The following HCN2 variants were observed in gnomAD, a reference collection of about 807,000 sequenced individuals.
HCN2 encodes potassium/sodium hyperpolarization-activated cyclic nucleotide-gated channel 2.
A neutral mutation model predicts 52.3 loss-of-function variants in HCN2; 20 were observed. The observed-to-expected ratio is 0.38, with a 90% CI of 0.27 to 0.56. The LOEUF (loss-of-function observed/expected upper bound fraction) is 0.56, where lower values mean the gene tolerates loss of function less well. Among genes scored for constraint, HCN2 ranks in the 20% least tolerant of loss-of-function variants. The pLI is 0.71. For missense variants in HCN2, 981 were observed against 1,207.7 expected, an observed-to-expected ratio of 0.81 and a Z score of 2.78; for synonymous variants, 694 against 537.0, an observed-to-expected ratio of 1.29 and a Z score of -4.04.
In HCN2 at chr19:610,416, C is replaced by T. The variant is rs373569815; in HGVS notation, c.1584+11C>T. The T allele has an allele frequency of 8.4e-5, 136 of 1,610,622 alleles. 1 individual carries two copies. The Middle Eastern group carries it at 1.2e-3, about 14-fold the overall frequency. On this transcript the variant is annotated intron_variant, in intron 5 of 7. Coordinates refer to ENST00000251287, the MANE Select transcript of HCN2 (RefSeq NM_001194.4). ...GGGCCCCTGCGGGAGGTGAGGCGGG[C>T]GCCGGGCGGGCGGGAGGCAGCCTCC...
chr19:609,021 T>C (rs1367861547), intron 4 of HCN2, among the ~76,000 whole-genome samples: 1 of 152,192 alleles, frequency 6.6e-6, no homozygotes, highest in Non-Finnish European at 1.5e-5. Context: ...TTTCCCCATG[T>C]TAGGCGGCTG....
At chr19:595,469 C>T (rs1241434874) in intron 1 of HCN2, among the ~76,000 whole-genome samples, 1 of 152,068 alleles carries the variant, frequency 6.6e-6, no homozygotes, top group Non-Finnish European at 1.5e-5. Context: ...GTCCCCTGGT[C>T]CCGAGGCCGC....
At chr19:615,633 G>C (rs1352325387) in intron 7 of HCN2, among the ~76,000 whole-genome samples, 162 bp from the exon 8 acceptor site, 1 of 152,244 alleles carries the variant, frequency 6.6e-6, no homozygotes, top group Non-Finnish European at 1.5e-5. Flanking sequence ...CTATAGGCCA[G>C]AGATGCTACA....
chr19:610,408 G>A lies in HCN2; in HGVS notation c.1584+3G>A, dbSNP rs1983576835. ...AGCTCAACGGGCCCCTGCGGGAGGT[G>A]AGGCGGGCGCCGGGCGGGCGGGAGG... On this transcript the variant is annotated splice_donor_region_variant and intron_variant, in intron 5 of 7. Coordinates refer to ENST00000251287, the MANE Select transcript of HCN2 (RefSeq NM_001194.4). 1.9e-6 allele frequency: 3 copies of A among 1,612,346 alleles called. No individual in the cohort carries two copies. Among genetic ancestry groups the A allele is most frequent in the African/African-American group, 1.3e-5 (1 of 74,898 alleles).
intron 4 of HCN2, among the ~76,000 whole-genome samples, chr19:609,756 C>T (rs1221801336): frequency 1.3e-5 from 2 of 152,134 alleles, no homozygotes; most frequent in East Asian, 1.9e-4. Context: ...AAAGAATCAG[C>T]CAGGCGTGGT....
In HCN2 at chr19:617,084, C is replaced by CT. The variant is rs1983999884; in HGVS notation, c.*610_*611insT. On this transcript the variant is annotated 3_prime_UTR_variant, in exon 8 of 8. Coordinates refer to ENST00000251287, the MANE Select transcript of HCN2 (RefSeq NM_001194.4). The stretch of plus-strand genomic sequence containing the variant: ...GTACTGACGAGCCGAGGCAGCAGTG[C>CT]CCCCACCGTGGCCCCCCACGCCCCA... 5.0e-6 allele frequency: 3 copies of CT among 597,270 alleles called. No individual in the cohort carries two copies. The highest frequency in any genetic ancestry group is 8.9e-6 in the Non-Finnish European group (3 of 336,516). 37.0% of individuals were successfully genotyped at this position (597,270 alleles called of 1,614,324 possible).
At position 592,005 on chromosome 19, in the gene HCN2, C is replaced by A. The variant is rs1211134567; in HGVS notation, c.632+1428C>A. On this transcript the variant is annotated intron_variant, in intron 1 of 7. Coordinates refer to ENST00000251287, the MANE Select transcript of HCN2 (RefSeq NM_001194.4). The surrounding 1 kb of genome is among the most constrained non-coding windows in gnomAD (Gnocchi z 4.8). ...CAGGGGTGGGAGGAGCCCCGAAATC[C>A]CCAGAGGGGCTGTGTCCGGCCCCTC... 6.6e-6 allele frequency among the ~76,000 whole-genome samples: 1 copy of A among 152,212 alleles called. No homozygotes were observed. The highest frequency in any genetic ancestry group is 1.5e-5 in the Non-Finnish European group (1 of 68,020).
chr19:615,610 C>T (rs1448763245), intron 7 of HCN2, among the ~76,000 whole-genome samples, 185 bp from the exon 8 acceptor site: 3 of 152,218 alleles, frequency 2.0e-5, no homozygotes, highest in Non-Finnish European at 2.9e-5. Context: ...ATGGCAGGTA[C>T]TCAATATCCA....
intron 4 of HCN2, among the ~76,000 whole-genome samples, chr19:609,065 T>C (rs1345978185): frequency 6.6e-6 from 1 of 152,106 alleles, no homozygotes; most frequent in African/African-American, 2.4e-5. Context: ...TGCCCCCCTC[T>C]CCCGCGCCCC....
Position 612,427 on chromosome 19 carries a change from T to TGTGTGTGTGAGAGA in HCN2, c.1585-820_1585-819insTGTGTGTGAGAGAG. On this transcript the variant is annotated intron_variant, in intron 5 of 7. Transcript: ENST00000251287. ...GTGTGTGTGTGTGTGTGTGTGTGTG[T>TGTGTGTGTGAGAGA]GAGAGAGAGATGGAGTCTCGCTCTG... Among the ~76,000 whole-genome samples the TGTGTGTGTGAGAGA allele has an allele frequency of 5.8e-3, 822 of 142,312 alleles. 9 individuals are homozygous for TGTGTGTGTGAGAGA. Among genetic ancestry groups the TGTGTGTGTGAGAGA allele is most frequent in the Admixed American group, 5.9e-3 (84 of 14,238 alleles). 93.4% of individuals were successfully genotyped at this position (142,312 alleles called of 152,430 possible).
Position 616,399 on chromosome 19 carries a change from C to T in HCN2, c.2595C>T (p.Asp865=), listed in dbSNP as rs764125612. Residue 865 remains aspartate, a synonymous_variant, in exon 8 of 8, where the codon GAC becomes GAT. Transcript: ENST00000251287. The stretch of plus-strand genomic sequence containing the variant: ...CCGCGCCCAGCCCGGACCGCAGGGA[C>T]TCGGCCTCACCCGGCGCCGCCGGCG... ...RAAAPSPDRR[D]SASPGAAGGL... 8.1e-7 allele frequency: 1 copy of T among 1,238,558 alleles called. No homozygotes were observed. The highest frequency in any genetic ancestry group is 1.0e-6 in the Non-Finnish European group (1 of 986,904). The allele number at this position is 1,238,558 out of a possible 1,614,324, so 76.7% of individuals were successfully genotyped here. A position where few individuals can be genotyped will look rare whatever the true frequency, so the allele number is the denominator to read the frequency against.
chr19:594,532 C>T (rs554904100), intron 1 of HCN2, among the ~76,000 whole-genome samples: 7 of 152,162 alleles, frequency 4.6e-5, no homozygotes, highest in Non-Finnish European at 7.4e-5. Flanking sequence ...GAGGACTGGT[C>T]GGGGAGGAGC....
rs200935532 is a variant in HCN2 at position 610,226 on chromosome 19, G to T, written c.1438-33G>T. The T allele has an allele frequency of 1.7e-4, 270 of 1,581,432 alleles. 1 individual carries two copies. The highest frequency in any genetic ancestry group is 2.0e-4 in the Non-Finnish European group (234 of 1,157,740). ...CCTGTGCCCGCTGCAGGCCGGGGGC[G>T]GTGTCTGACCCAGCCTCGCCTCCTC... On this transcript the variant is annotated intron_variant, in intron 4 of 7. Coordinates refer to ENST00000251287, the MANE Select transcript of HCN2 (RefSeq NM_001194.4).
intron 2 of HCN2, 107 bp from the exon 3 acceptor site, chr19:604,954 G>A (rs1983370662): frequency 8.1e-7 from 1 of 1,234,512 alleles, no homozygotes; most frequent in African/African-American, 1.5e-5. Context: ...CCTTGGATTT[G>A]GGGGAGGGGG....
intron 3 of HCN2, among the ~76,000 whole-genome samples, chr19:606,615 G>A (rs1394369260): frequency 2.7e-5 from 4 of 150,790 alleles, no homozygotes; most frequent in East Asian, 4.0e-4. Context: ...CACTTTGGGA[G>A]GCTGAGGCAG....
chr19:611,639 T>C (rs535186240), intron 5 of HCN2, among the ~76,000 whole-genome samples: 8 of 152,326 alleles, frequency 5.3e-5, no homozygotes, highest in African/African-American at 1.4e-4. Context: ...TGTAGAGATA[T>C]AACACTCAGA....
chr19:603,853 C>G lies in HCN2; in HGVS notation c.942C>G (p.Ser314=). Residue 314 remains serine, a synonymous_variant, in exon 2 of 8, where the codon TCC becomes TCG. Transcript: ENST00000251287. Reference sequence around the variant, plus strand: ...TTATCGTGGAGAAGGGCATTGACTCCGAGGTCTACAAGACGGCACGCGCCC... The same window carrying G: ...TTATCGTGGAGAAGGGCATTGACTCGGAGGTCTACAAGACGGCACGCGCCC... The part of the protein sequence containing the change: ...IFLIVEKGID[S]EVYKTARALR... The G allele has an allele frequency of 6.2e-7, 1 of 1,612,670 alleles. No individual in the cohort carries two copies. Among genetic ancestry groups the G allele is most frequent in the Non-Finnish European group, 8.5e-7 (1 of 1,179,870 alleles).
In HCN2 at chr19:613,875, C is replaced by G; in HGVS notation, c.1849C>G (p.Arg617Gly). The G allele has an allele frequency of 6.3e-7, 1 of 1,590,696 alleles. No individual in the cohort carries two copies. Among genetic ancestry groups the G allele is most frequent in the Non-Finnish European group, 8.6e-7 (1 of 1,169,292 alleles). ...FGEICLLTRG[R>G]RTASVRADTY... ...AGAGATCTGCCTGCTCACCCGGGGC[C>G]GCCGCACGGCGAGCGTGCGGGCTGA... Residue 617 changes from arginine to glycine, a missense_variant, in exon 7 of 8, where the codon CGC (arginine) becomes GGC (glycine). Physicochemically the swap from Arg to Gly is moderately radical, Grantham distance 125. Around this residue, in one of 6 missense-constraint regions of HCN2, gnomAD observed 85 missense variants for 106.1 expected, o/e 0.80. Transcript: ENST00000251287.
Position 589,912 on chromosome 19 carries a change from G to C in HCN2, c.-34G>C. ...GGCTCCGGCCGGCGGCGGCGGCGGC[G>C]GCTCCGCTCCGCACTGCCCGGCGCC... On this transcript the variant is annotated 5_prime_UTR_variant, in exon 1 of 8. Coordinates refer to ENST00000251287, the MANE Select transcript of HCN2 (RefSeq NM_001194.4). The C allele has an allele frequency of 6.8e-6, 6 of 878,738 alleles. No individual in the cohort carries two copies. Among genetic ancestry groups the C allele is most frequent in the Non-Finnish European group, 8.0e-6 (6 of 746,166 alleles). 54.4% of individuals were successfully genotyped at this position (878,738 alleles called of 1,614,324 possible).
Sources: gnomAD v4.1 joint callset for allele counts (sites outside exome capture counted in the v4.1 genomes callset) on GRCh38, gnomAD v4.1.1 for gene constraint, gnomAD v4.1.1 regional missense constraint, Gnocchi (gnomAD v3.1) non-coding constraint, MANE v1.5 for transcripts, NCBI Gene and HGNC (gene_info 2026-07-23, HGNC 2026-07-21) for gene names.